LCORL: variants seen among roughly 807,000 people sequenced by gnomAD.
LCORL encodes ligand-dependent nuclear receptor corepressor-like protein.
A neutral mutation model predicts 141.8 loss-of-function variants in LCORL; 41 were observed. The ratio of observed to expected loss-of-function variants is 0.29; its 90% CI spans 0.23 to 0.38. The LOEUF is 0.38. Ranked by LOEUF, LCORL falls within the 10% of genes least tolerant of loss-of-function variation. The pLI is 1.00. For synonymous variants in LCORL, 618 were observed against 694.1 expected, an observed-to-expected ratio of 0.89 and a Z score of 1.72; for missense variants, 1,759 against 2,035.0, an observed-to-expected ratio of 0.86 and a Z score of 2.61.
intron 4 of LCORL, among the ~76,000 whole-genome samples, chr4:17,914,578 A>AT (rs1733092948): frequency 6.6e-6 from 1 of 152,226 alleles, no homozygotes; most frequent in African/African-American, 2.4e-5. Context: ...GACAAAGAGA[A>AT]TGCTTCTCAG....
chr4:17,880,713 C>A, intron 6 of LCORL: 1 of 973,222 alleles, frequency 1.0e-6, no homozygotes, highest in Non-Finnish European at 1.2e-6. Context: ...AAATTACAAC[C>A]TAGAAACACG....
chr4:17,858,506 C>A (rs1029246537), intron 7 of LCORL, among the ~76,000 whole-genome samples: 1 of 151,602 alleles, frequency 6.6e-6, no homozygotes, highest in Non-Finnish European at 1.5e-5. Context: ...AGGTGGATCA[C>A]CTGAGGTCAG....
At position 18,021,447 on chromosome 4, in the gene LCORL, C is replaced by T; in HGVS notation, c.154+151G>A. 1.6e-6 allele frequency: 1 copy of T among 626,036 alleles called. No homozygotes were observed. The highest frequency in any genetic ancestry group is 2.5e-6 in the Non-Finnish European group (1 of 397,768). The allele number at this position is 626,036 out of a possible 1,614,324, so 38.8% of individuals were successfully genotyped here. A position where few individuals can be genotyped will look rare whatever the true frequency, so the allele number is the denominator to read the frequency against. On this transcript the variant is annotated intron_variant, in intron 1 of 7. Transcript: ENST00000635767. This position sits in a 1 kb window ranked among gnomAD's most constrained non-coding sequence, Gnocchi z 5.5. Reference sequence around the variant, plus strand: ...CAGCCCGCAAGACAAAAGGCGAGCGCCGGGGCCGCCGCGCCGCGCCGCTCC... The same window carrying T: ...CAGCCCGCAAGACAAAAGGCGAGCGTCGGGGCCGCCGCGCCGCGCCGCTCC...
intron 4 of LCORL, among the ~76,000 whole-genome samples, chr4:17,952,180 A>G (rs1015972214): frequency 1.3e-5 from 2 of 152,136 alleles, no homozygotes; most frequent in African/African-American, 4.8e-5. Flanking sequence ...ACTGACTGCC[A>G]TATTAGAGAC....
intron 1 of LCORL, among the ~76,000 whole-genome samples, chr4:18,001,313 T>C (rs1005438762): frequency 6.6e-6 from 1 of 152,188 alleles, no homozygotes; most frequent in African/African-American, 2.4e-5. Flanking sequence ...CAATAAAAGC[T>C]GCTATTATTA....
chr4:17,891,802 G>A (rs1391713257), intron 5 of LCORL, among the ~76,000 whole-genome samples: 3 of 152,176 alleles, frequency 2.0e-5, no homozygotes, highest in African/African-American at 7.2e-5. Flanking sequence ...AACTGTGGAA[G>A]TAAATATACA....
chr4:17,925,862 G>C (rs1735037203), intron 4 of LCORL, among the ~76,000 whole-genome samples: 1 of 124,082 alleles, frequency 8.1e-6, no homozygotes, highest in African/African-American at 3.4e-5. Flanking sequence ...CAGAGTGACA[G>C]AGTGAGATTC....
intron 6 of LCORL, chr4:17,881,543 A>G: frequency 3.3e-6 from 3 of 914,936 alleles, no homozygotes; most frequent in Non-Finnish European, 3.9e-6. Flanking sequence ...TAACTATAAT[A>G]TTACCTATAA....
intron 7 of LCORL, among the ~76,000 whole-genome samples, chr4:17,867,815 T>C (rs1270714286): frequency 6.6e-6 from 1 of 152,156 alleles, no homozygotes; most frequent in Non-Finnish European, 1.5e-5. Context: ...GAATATAAAA[T>C]ATTCAAGAAA....
In LCORL at chr4:17,875,604, G is replaced by C; in HGVS notation, c.3386C>G (p.Ser1129Ter). The change falls in exon 7 of 8, where the codon TCA (serine) becomes TGA (stop). Residue 1129 changes from serine (S) to a stop codon, truncating the protein, a stop_gained. Transcript: ENST00000635767. LOFTEE classifies it high-confidence loss of function. ...TTTATAAATACCTTCTTTTACTTCTGATATGAGACATTCTGGGCTTTTCCT... is the reference window on the plus strand; with the variant it reads ...TTTATAAATACCTTCTTTTACTTCTCATATGAGACATTCTGGGCTTTTCCT... The C allele has an allele frequency of 1.6e-6, 2 of 1,231,104 alleles. No homozygotes were observed. Among genetic ancestry groups the C allele is most frequent in the Non-Finnish European group, 2.0e-6 (2 of 987,296 alleles). The allele number at this position is 1,231,104 out of a possible 1,614,324, so 76.3% of individuals were successfully genotyped here.
chr4:17,949,025 A>G (rs1739320161), intron 4 of LCORL, among the ~76,000 whole-genome samples: 1 of 152,034 alleles, frequency 6.6e-6, no homozygotes, highest in Non-Finnish European at 1.5e-5. Flanking sequence ...TTGTGTGTGT[A>G]CTGTCCAGCA....
intron 7 of LCORL, among the ~76,000 whole-genome samples, chr4:17,849,915 A>G (rs891815509): frequency 2.0e-5 from 3 of 151,982 alleles, no homozygotes; most frequent in Non-Finnish European, 2.9e-5. Flanking sequence ...ACAGCATGGT[A>G]CTGGTACCAA....
chr4:17,940,974 T>C (rs936958858), intron 4 of LCORL, among the ~76,000 whole-genome samples: 1 of 152,174 alleles, frequency 6.6e-6, no homozygotes, highest in African/African-American at 2.4e-5. Context: ...CTTGTAACTG[T>C]GAGGTAGAAA....
chr4:18,002,869 T>C (rs759072013), intron 1 of LCORL, among the ~76,000 whole-genome samples: 1 of 152,192 alleles, frequency 6.6e-6, no homozygotes, highest in African/African-American at 2.4e-5. Context: ...AGAGTTTGCA[T>C]GGGGTTGGTA....
chr4:17,935,345 A>C (rs1246020776), intron 4 of LCORL, among the ~76,000 whole-genome samples: 1 of 152,190 alleles, frequency 6.6e-6, no homozygotes. Flanking sequence ...TCCATGAAAA[A>C]AAATACTACT....
At chr4:17,931,778 T>A (rs73098833) in intron 4 of LCORL, among the ~76,000 whole-genome samples, 11,735 of 152,180 alleles carry the variant, frequency 0.077, 1,543 homozygotes, top group African/African-American at 0.27. Context: ...ATATATTTTA[T>A]GTTATTTGAG....
chr4:17,896,961 A>T (rs1201360464), intron 5 of LCORL, among the ~76,000 whole-genome samples: 1 of 152,152 alleles, frequency 6.6e-6, no homozygotes, highest in East Asian at 1.9e-4. Flanking sequence ...CAAGTAGGTA[A>T]GAACATGAAA....
At chr4:17,907,739 T>C (rs1560322547) in intron 5 of LCORL, among the ~76,000 whole-genome samples, 1 of 152,174 alleles carries the variant, frequency 6.6e-6, no homozygotes, top group Non-Finnish European at 1.5e-5. Flanking sequence ...TCATCAGCTA[T>C]AGTCAGTGTG....
chr4:17,883,546 T>C, intron 6 of LCORL: 1 of 1,330,730 alleles, frequency 7.5e-7, no homozygotes, highest in Non-Finnish European at 9.6e-7. Flanking sequence ...AAAACTTTTT[T>C]TCAAAAGGCA....
Sources: gnomAD v4.1 joint callset for allele counts (sites outside exome capture counted in the v4.1 genomes callset) on GRCh38, gnomAD v4.1.1 for gene constraint, Gnocchi (gnomAD v3.1) non-coding constraint, MANE v1.5 for transcripts, NCBI Gene and HGNC (gene_info 2026-07-23, HGNC 2026-07-21) for gene names.